The following PCDH15 variants were observed in gnomAD, a reference collection of about 807,000 sequenced individuals.
The protein encoded by PCDH15 is protocadherin-15.
Under a neutral mutation model 178.5 loss-of-function variants are expected in PCDH15, and 129 were observed. That is an observed-to-expected ratio of 0.72 (90% confidence interval 0.63 to 0.84). PCDH15 has a LOEUF of 0.84. PCDH15 is among the 40% of genes least tolerant of loss of function. The pLI, the probability that PCDH15 is intolerant of heterozygous loss-of-function variation, is 0.00. For missense variants in PCDH15, 2,230 were observed against 2,099.9 expected (o/e 1.06, Z -1.21); for synonymous variants, 800 against 732.0 (o/e 1.09, Z -1.50).
chr10:55,551,655 A>G (rs1842006235), intron 2 of PCDH15, among the ~76,000 whole-genome samples: 1 of 151,868 alleles, frequency 6.6e-6, no homozygotes, highest in Admixed American at 6.6e-5. Flanking sequence ...AAAAGGATAT[A>G]TGAATAGAGG....
intron 1 of PCDH15, among the ~76,000 whole-genome samples, chr10:54,681,661 T>G (rs2135665255): frequency 6.6e-6 from 1 of 152,250 alleles, no homozygotes; most frequent in Middle Eastern, 3.4e-3. Flanking sequence ...ACTAGAGGTT[T>G]TCAAGAAAAT....
intron 7 of PCDH15, among the ~76,000 whole-genome samples, chr10:54,323,748 T>C (rs1010276756): frequency 6.6e-6 from 1 of 151,960 alleles, no homozygotes; most frequent in African/African-American, 2.4e-5. Flanking sequence ...AAACTACCCA[T>C]TGAGTACTAT....
chr10:55,410,990 T>C (rs563261519), intron 2 of PCDH15, among the ~76,000 whole-genome samples: 1 of 151,758 alleles, frequency 6.6e-6, no homozygotes, highest in African/African-American at 2.4e-5. Context: ...CTGAATAGAG[T>C]GAATACTTAC....
chr10:54,709,872 C>G (rs1454079493), intron 1 of PCDH15, among the ~76,000 whole-genome samples: 1 of 143,692 alleles, frequency 7.0e-6, no homozygotes, highest in African/African-American at 2.5e-5. Flanking sequence ...GAATTTTCCA[C>G]TCATGCAATT....
intron 3 of PCDH15, among the ~76,000 whole-genome samples, chr10:54,825,829 A>G (rs1953122331): frequency 2.0e-5 from 3 of 152,124 alleles, no homozygotes; most frequent in Non-Finnish European, 2.9e-5. Context: ...TTTTCATGCC[A>G]GGATATGTAC....
intron 1 of PCDH15, among the ~76,000 whole-genome samples, chr10:55,286,059 C>T (rs1445358067): frequency 6.6e-6 from 1 of 151,824 alleles, no homozygotes; most frequent in Admixed American, 6.6e-5. Flanking sequence ...GAACATGAAA[C>T]TCTCATTTTA....
At chr10:54,218,046 T>C (rs181041109) in intron 9 of PCDH15, among the ~76,000 whole-genome samples, 1 of 152,348 alleles carries the variant, frequency 6.6e-6, no homozygotes, top group Admixed American at 6.5e-5. Context: ...AAATAACGTA[T>C]TGATCACTTT....
chr10:54,595,686 A>C (rs1437973401), intron 2 of PCDH15, among the ~76,000 whole-genome samples: 1 of 152,184 alleles, frequency 6.6e-6, no homozygotes, highest in Non-Finnish European at 1.5e-5. Context: ...ACCACATCTA[A>C]GGAAGCTAAG....
chr10:54,749,259 A>AT (rs1945873830), intron 1 of PCDH15, among the ~76,000 whole-genome samples: 1 of 152,226 alleles, frequency 6.6e-6, no homozygotes, highest in South Asian at 2.1e-4. Flanking sequence ...GTGAACATAT[A>AT]TTTAAACATG....
intron 2 of PCDH15, among the ~76,000 whole-genome samples, chr10:54,593,168 T>C (rs1253635608): frequency 1.3e-5 from 2 of 152,174 alleles, no homozygotes; most frequent in Non-Finnish European, 2.9e-5. Context: ...AGAAGCTTTT[T>C]AGTTTGATGC....
chr10:55,601,526 A>G (rs181387647), intron 2 of PCDH15, among the ~76,000 whole-genome samples: 53 of 152,306 alleles, frequency 3.5e-4, no homozygotes, highest in African/African-American at 1.1e-3. Context: ...TTTTTACACA[A>G]TATGTTATAA....
At chr10:54,226,105 C>T (rs6481071) in intron 9 of PCDH15, among the ~76,000 whole-genome samples, 8,276 of 152,208 alleles carry the variant, frequency 0.054, 548 homozygotes, top group African/African-American at 0.17. Flanking sequence ...AGTCCATTTT[C>T]ACACTGGTGA....
At chr10:53,830,156 G>T (rs537510251) in intron 30 of PCDH15, among the ~76,000 whole-genome samples, 30 of 152,104 alleles carry the variant, frequency 2.0e-4, no homozygotes, top group African/African-American at 6.5e-4. Flanking sequence ...ACAAAAATTA[G>T]CCAGGTGTGG....
At chr10:54,183,250 C>T (rs368842789) in intron 13 of PCDH15, among the ~76,000 whole-genome samples, 194 bp downstream of exon 13, 30 of 152,274 alleles carry the variant, frequency 2.0e-4, no homozygotes, top group South Asian at 1.7e-3. Flanking sequence ...GGATTACAGG[C>T]GTGAGCCACC....
intron 8 of PCDH15, among the ~76,000 whole-genome samples, chr10:54,314,649 TA>T (rs1467553979): frequency 6.6e-6 from 1 of 152,128 alleles, no homozygotes; most frequent in African/African-American, 2.4e-5. Flanking sequence ...GTAAGCCCAG[TA>T]CCCAATAGTC....
At chr10:54,403,235 G>T (rs933651879) in intron 3 of PCDH15, among the ~76,000 whole-genome samples, 1 of 151,990 alleles carries the variant, frequency 6.6e-6, no homozygotes, top group Non-Finnish European at 1.5e-5. Context: ...GGCTGAGAGA[G>T]GTGAGGAAGC....
At chr10:54,952,387 C>T (rs1426261518) in intron 2 of PCDH15, among the ~76,000 whole-genome samples, 1 of 151,818 alleles carries the variant, frequency 6.6e-6, no homozygotes, top group Non-Finnish European at 1.5e-5. Flanking sequence ...ACCAATATCA[C>T]ACTGTCGTGA....
intron 27 of PCDH15, among the ~76,000 whole-genome samples, chr10:53,861,238 T>C (rs2079090226): frequency 6.6e-6 from 1 of 152,158 alleles, no homozygotes; most frequent in South Asian, 2.1e-4. Flanking sequence ...AATTTGCATG[T>C]CAGTTTATTA....
intron 25 of PCDH15, among the ~76,000 whole-genome samples, chr10:53,915,953 G>C (rs1489498681): frequency 6.6e-6 from 1 of 152,130 alleles, no homozygotes; most frequent in Non-Finnish European, 1.5e-5. Flanking sequence ...ATCTGTGGGG[G>C]ATTGGTCCCA....
Sources: allele counts gnomAD v4.1 joint callset (sites outside exome capture counted in the v4.1 genomes callset), GRCh38; gene constraint gnomAD v4.1.1; transcripts MANE v1.5; gene names NCBI Gene and HGNC (gene_info 2026-07-23, HGNC 2026-07-21).